SPATS2L: variants seen among roughly 807,000 people sequenced by gnomAD.
The protein encoded by SPATS2L is spermatogenesis associated serine rich 2 like, also known as SPATS2-like protein.
A neutral mutation model predicts 59.6 loss-of-function variants in SPATS2L; 30 were observed. The observed-to-expected ratio is 0.50, with a 90% CI of 0.38 to 0.68. The LOEUF is 0.68. SPATS2L is among the 30% of genes least tolerant of loss of function. The probability of loss-of-function intolerance (pLI) is 0.00; values close to 1 mark genes in which losing one functional copy is unlikely to be tolerated. For synonymous variants in SPATS2L, 252 were observed against 263.5 expected, an observed-to-expected ratio of 0.96 and a Z score of 0.42; for missense variants, 615 against 700.0, an observed-to-expected ratio of 0.88 and a Z score of 1.37.
chr2:200,382,687 C>T (rs1157040080), intron 2 of SPATS2L, among the ~76,000 whole-genome samples: 1 of 152,028 alleles, frequency 6.6e-6, no homozygotes, highest in African/African-American at 2.4e-5. Flanking sequence ...GGACCTTGAG[C>T]AGTTACTAGA....
intron 3 of SPATS2L, among the ~76,000 whole-genome samples, chr2:200,408,371 G>T (rs554252896): frequency 6.6e-5 from 10 of 152,296 alleles, no homozygotes; most frequent in African/African-American, 2.4e-4. Flanking sequence ...AGGGTAAAAT[G>T]GTCACGAATA....
intron 6 of SPATS2L, among the ~76,000 whole-genome samples, chr2:200,421,869 T>C (rs1178112717): frequency 1.3e-5 from 2 of 152,224 alleles, no homozygotes; most frequent in Non-Finnish European, 2.9e-5. Context: ...ATTACTCAAG[T>C]TGCCATTTTG....
At chr2:200,442,379 T>TA (rs1204248899) in intron 8 of SPATS2L, among the ~76,000 whole-genome samples, 1 of 152,218 alleles carries the variant, frequency 6.6e-6, no homozygotes, top group Non-Finnish European at 1.5e-5. Context: ...GTAACTATCC[T>TA]AAGCATTATG....
At chr2:200,345,745 C>T (rs1474858631) in intron 2 of SPATS2L, among the ~76,000 whole-genome samples, 1 of 152,170 alleles carries the variant, frequency 6.6e-6, no homozygotes, top group Non-Finnish European at 1.5e-5. Flanking sequence ...TAATATTATC[C>T]TTGATCTTTT....
At chr2:200,321,658 C>T (rs1385805039) in intron 1 of SPATS2L, among the ~76,000 whole-genome samples, 1 of 152,162 alleles carries the variant, frequency 6.6e-6, no homozygotes. Context: ...AAGAACACCA[C>T]AGCTGATATC....
intron 2 of SPATS2L, among the ~76,000 whole-genome samples, chr2:200,371,938 TAACA>T (rs1036846961): frequency 1.4e-4 from 21 of 152,184 alleles, no homozygotes; most frequent in Non-Finnish European, 2.1e-4. Context: ...CCGTGTTTTC[TAACA>T]AAGCCGTAGA....
At chr2:200,476,695 C>T (rs538781239) in intron 12 of SPATS2L, among the ~76,000 whole-genome samples, 7 of 152,348 alleles carry the variant, frequency 4.6e-5, no homozygotes, top group South Asian at 2.1e-4. Context: ...AGAGGGCATG[C>T]GTTACAATGC....
At chr2:200,396,188 G>A (rs973439625) in intron 3 of SPATS2L, among the ~76,000 whole-genome samples, 4 of 151,128 alleles carry the variant, frequency 2.6e-5, no homozygotes, top group African/African-American at 9.7e-5. Context: ...AAAAATAAGT[G>A]AGACTAGACA....
intron 2 of SPATS2L, among the ~76,000 whole-genome samples, chr2:200,380,748 G>C (rs1328952153): frequency 6.6e-6 from 1 of 152,184 alleles, no homozygotes; most frequent in Non-Finnish European, 1.5e-5. Context: ...TTTCAGTGAA[G>C]TTGTTCTAAC....
chr2:200,404,040 C>T (rs1451780327), intron 3 of SPATS2L, among the ~76,000 whole-genome samples: 1 of 152,208 alleles, frequency 6.6e-6, no homozygotes, highest in East Asian at 1.9e-4. Context: ...AGAAGAACCT[C>T]CCTTCCATTC....
chr2:200,392,828 C>A (rs1244011598), intron 3 of SPATS2L, among the ~76,000 whole-genome samples: 1 of 152,122 alleles, frequency 6.6e-6, no homozygotes, highest in Admixed American at 6.5e-5. Context: ...TGGGAGAACA[C>A]CCAGCTGATG....
intron 6 of SPATS2L, among the ~76,000 whole-genome samples, chr2:200,433,357 C>T (rs920797230): frequency 2.6e-5 from 4 of 151,850 alleles, no homozygotes; most frequent in African/African-American, 9.7e-5. Context: ...GACAACACAC[C>T]CAACAATTTC....
chr2:200,335,893 G>T (rs1418524058), intron 2 of SPATS2L, among the ~76,000 whole-genome samples: 2 of 152,142 alleles, frequency 1.3e-5, no homozygotes, highest in South Asian at 4.1e-4. Flanking sequence ...GTATTGCCTG[G>T]GGCATAGGCG....
At chr2:200,379,461 T>A (rs1035794633) in intron 2 of SPATS2L, among the ~76,000 whole-genome samples, 1 of 152,140 alleles carries the variant, frequency 6.6e-6, no homozygotes, top group African/African-American at 2.4e-5. Context: ...CCTGGTGCAT[T>A]GTCGGTGTTT....
intron 2 of SPATS2L, among the ~76,000 whole-genome samples, chr2:200,368,327 T>G (rs1237792059): frequency 1.3e-5 from 2 of 152,194 alleles, no homozygotes; most frequent in African/African-American, 4.8e-5. Context: ...TTGGTATAAT[T>G]TAGTTCTGCT....
Position 200,481,724 on chromosome 2 carries a change from A to G in SPATS2L, c.*3693A>G, listed in dbSNP as rs2087780684. 2 of 152,374 alleles carry G rather than the reference A, an allele frequency of 1.3e-5. No homozygotes were observed. Among genetic ancestry groups the G allele is most frequent in the African/African-American group, 4.8e-5 (2 of 41,456 alleles). 9.4% of individuals were successfully genotyped at this position (152,374 alleles called of 1,614,324 possible). ...GAGATGGAGTCTCGCTCTGTCGCCC[A>G]GGCTGGAGTGCAGTGGCGCGGTCTC... On this transcript the variant is annotated 3_prime_UTR_variant, in exon 13 of 13. Coordinates refer to ENST00000409140, the MANE Select transcript of SPATS2L (RefSeq NM_001100423.2).
chr2:200,408,545 A>G (rs1400497846), intron 3 of SPATS2L, among the ~76,000 whole-genome samples: 2 of 152,256 alleles, frequency 1.3e-5, no homozygotes, highest in African/African-American at 4.8e-5. Context: ...AAACTCAGAC[A>G]TAGTTTAAGT....
At chr2:200,388,676 G>T (rs1233122036) in intron 2 of SPATS2L, among the ~76,000 whole-genome samples, 1 of 148,200 alleles carries the variant, frequency 6.7e-6, no homozygotes. Flanking sequence ...TGAAATTAGA[G>T]CATTCCAGAT....
chr2:200,456,359 G>A (rs540299720), intron 8 of SPATS2L, among the ~76,000 whole-genome samples: 5 of 152,330 alleles, frequency 3.3e-5, no homozygotes, highest in Admixed American at 3.3e-4. Flanking sequence ...CGGAAGCCTG[G>A]TTTGATGCCA....
Sources: gnomAD v4.1 joint callset for allele counts (sites outside exome capture counted in the v4.1 genomes callset) on GRCh38, gnomAD v4.1.1 for gene constraint, MANE v1.5 for transcripts, NCBI Gene and HGNC (gene_info 2026-07-23, HGNC 2026-07-21) for gene names.